KSR1: variants seen among roughly 807,000 people sequenced by gnomAD.
The protein encoded by KSR1 is kinase suppressor of ras.
Under a neutral mutation model 92.9 loss-of-function variants are expected in KSR1, and 35 were observed. The observed-to-expected ratio is 0.38, with a 90% CI of 0.29 to 0.50. KSR1 has a LOEUF of 0.50. Ranked by LOEUF, KSR1 falls within the 20% of genes least tolerant of loss-of-function variation. KSR1 has a pLI of 0.94. For synonymous variants in KSR1, 467 were observed against 472.6 expected (o/e 0.99, Z 0.15); for missense variants, 972 against 1,158.5 (o/e 0.84, Z 2.34).
chr17:27,496,744 G>A (rs1013831145), intron 1 of KSR1, among the ~76,000 whole-genome samples: 2 of 152,226 alleles, frequency 1.3e-5, no homozygotes, highest in African/African-American at 4.8e-5. Context: ...CTCAGGATTT[G>A]CAGCCACCTG....
chr17:27,533,304 G>C (rs908846206), intron 1 of KSR1, among the ~76,000 whole-genome samples: 1 of 151,828 alleles, frequency 6.6e-6, no homozygotes, highest in Non-Finnish European at 1.5e-5. Context: ...TGGTATCCAT[G>C]GGGGAGTGGT....
chr17:27,511,595 G>A (rs1260021142), intron 1 of KSR1, among the ~76,000 whole-genome samples: 2 of 152,224 alleles, frequency 1.3e-5, no homozygotes, highest in Admixed American at 1.3e-4. Context: ...CGAGGTGGGA[G>A]TGGGATGCTT....
intron 11 of KSR1, among the ~76,000 whole-genome samples, chr17:27,602,727 C>T (rs1200434204): frequency 6.6e-6 from 1 of 152,204 alleles, no homozygotes; most frequent in Non-Finnish European, 1.5e-5. Context: ...TGGTAGTCTG[C>T]AGACACACTG....
chr17:27,513,989 C>A (rs2069697246), intron 1 of KSR1, among the ~76,000 whole-genome samples: 1 of 152,252 alleles, frequency 6.6e-6, no homozygotes. Context: ...AGCCGAGTCT[C>A]CAGGCCACTG....
intron 3 of KSR1, among the ~76,000 whole-genome samples, chr17:27,580,692 A>G (rs1478863169): frequency 6.6e-6 from 1 of 152,206 alleles, no homozygotes; most frequent in Admixed American, 6.5e-5. Flanking sequence ...GGAGAAGAAC[A>G]GATATTGCGG....
chr17:27,469,651 G>A (rs2019873900), intron 1 of KSR1, among the ~76,000 whole-genome samples: 1 of 152,152 alleles, frequency 6.6e-6, no homozygotes, highest in Admixed American at 6.5e-5. Flanking sequence ...TACAGAAGGA[G>A]TGCTGGACAG....
chr17:27,611,264 G>A (rs1349446978), intron 17 of KSR1: 29 of 538,976 alleles, frequency 5.4e-5, no homozygotes, highest in African/African-American at 5.7e-5. Context: ...CCAAGGCTCC[G>A]GTCAAACCTG....
chr17:27,479,922 C>T (rs756399129), intron 1 of KSR1, among the ~76,000 whole-genome samples: 14 of 152,016 alleles, frequency 9.2e-5, no homozygotes, highest in Non-Finnish European at 1.8e-4. Flanking sequence ...CATATTCTCT[C>T]GGGTGTGTGT....
intron 1 of KSR1, among the ~76,000 whole-genome samples, chr17:27,527,720 CTG>C (rs1381588702): frequency 1.3e-5 from 2 of 152,150 alleles, no homozygotes; most frequent in Non-Finnish European, 2.9e-5. Flanking sequence ...ACAAATCAGA[CTG>C]TATAAGAATC....
intron 1 of KSR1, among the ~76,000 whole-genome samples, chr17:27,532,727 C>G (rs1196785778): frequency 6.6e-6 from 1 of 152,196 alleles, no homozygotes; most frequent in Non-Finnish European, 1.5e-5. Context: ...GCTTTTCCAA[C>G]AGGCTTTCTG....
intron 2 of KSR1, among the ~76,000 whole-genome samples, chr17:27,562,443 A>T (rs1407739502): frequency 1.3e-5 from 2 of 152,188 alleles, no homozygotes; most frequent in Non-Finnish European, 2.9e-5. Context: ...GGCCTGCTGA[A>T]TCCCAGGGCT....
chr17:27,621,863 G>T, intron 20 of KSR1: 1 of 1,568,460 alleles, frequency 6.4e-7, no homozygotes, highest in South Asian at 1.1e-5. Context: ...TCTAGCTCCC[G>T]ACAGGCTCTG....
At chr17:27,516,164 G>A (rs2069785161) in intron 1 of KSR1, among the ~76,000 whole-genome samples, 1 of 152,122 alleles carries the variant, frequency 6.6e-6, no homozygotes. Context: ...GTGTGACGTT[G>A]GGCTAGTTAC....
At chr17:27,542,925 G>A (rs1484779510) in intron 1 of KSR1, among the ~76,000 whole-genome samples, 3 of 152,166 alleles carry the variant, frequency 2.0e-5, no homozygotes, top group South Asian at 2.1e-4. Flanking sequence ...GTGATGGTGC[G>A]AGGGGTAGAG....
intron 1 of KSR1, among the ~76,000 whole-genome samples, chr17:27,509,832 C>A (rs2069533606): frequency 6.6e-6 from 1 of 152,062 alleles, no homozygotes. Flanking sequence ...AGAACAAGAC[C>A]CTGTCTCAAA....
intron 2 of KSR1, among the ~76,000 whole-genome samples, chr17:27,575,584 T>G (rs1321540218): frequency 6.6e-6 from 1 of 152,192 alleles, no homozygotes; most frequent in Admixed American, 6.5e-5. Context: ...TGATTAAGAA[T>G]GCCTGACTTC....
chr17:27,585,950 C>CTAATGATA, intron 5 of KSR1: 1 of 433,274 alleles, frequency 2.3e-6, no homozygotes, highest in Non-Finnish European at 4.2e-6. Flanking sequence ...CCTTGCCCTT[C>CTAATGATA]CCCACCGAGA....
At chr17:27,542,124 C>A (rs2070989474) in intron 1 of KSR1, among the ~76,000 whole-genome samples, 1 of 152,212 alleles carries the variant, frequency 6.6e-6, no homozygotes, top group South Asian at 2.1e-4. Context: ...GGACATCAGT[C>A]ACCCTTGTGC....
intron 1 of KSR1, among the ~76,000 whole-genome samples, chr17:27,535,499 G>T (rs2070722919): frequency 6.6e-6 from 1 of 152,190 alleles, no homozygotes; most frequent in South Asian, 2.1e-4. Context: ...TGTGGATGCT[G>T]ATCTGCCCTA....
Sources: allele counts gnomAD v4.1 joint callset (sites outside exome capture counted in the v4.1 genomes callset), GRCh38; gene constraint gnomAD v4.1.1; transcripts MANE v1.5; gene names NCBI Gene and HGNC (gene_info 2026-07-23, HGNC 2026-07-21).